The following DGKB variants were observed in gnomAD, a reference collection of about 807,000 sequenced individuals.
The protein encoded by DGKB is 90 kDa diacylglycerol kinase.
DGKB carries 67 observed loss-of-function variants against 114.3 expected under a neutral mutation model. The ratio of observed to expected loss-of-function variants is 0.59; its 90% CI spans 0.48 to 0.72. The LOEUF is 0.72. DGKB is among the 30% of genes least tolerant of loss of function. The pLI is 0.00. For missense variants in DGKB, 907 were observed against 975.2 expected, an observed-to-expected ratio of 0.93 and a Z score of 0.93; for synonymous variants, 398 against 323.1, an observed-to-expected ratio of 1.23 and a Z score of -2.49.
intron 6 of DGKB, among the ~76,000 whole-genome samples, chr7:14,704,802 ACCAAAAAC>A (rs1825895119): frequency 6.6e-6 from 1 of 152,130 alleles, no homozygotes; most frequent in Non-Finnish European, 1.5e-5. Flanking sequence ...GGACATCCAC[ACCAAAAAC>A]CCATCTGTAC....
At chr7:14,291,499 G>C (rs17168048) in intron 23 of DGKB, among the ~76,000 whole-genome samples, 1,856 of 152,154 alleles carry the variant, frequency 0.012, 38 homozygotes, top group African/African-American at 0.042. Context: ...TCTTTCCTTG[G>C]TAATCCCAAA....
chr7:14,492,318 G>A (rs977312806), intron 20 of DGKB, among the ~76,000 whole-genome samples: 27 of 151,928 alleles, frequency 1.8e-4, no homozygotes, highest in Admixed American at 2.0e-4. Flanking sequence ...AGGGAGTGAG[G>A]AGGTAGCTAT....
intron 1 of DGKB, among the ~76,000 whole-genome samples, chr7:14,958,801 C>T (rs1786671929): frequency 6.6e-6 from 1 of 152,038 alleles, no homozygotes; most frequent in Non-Finnish European, 1.5e-5. Context: ...AGGATGTTGT[C>T]CCCACATAGC....
chr7:14,579,852 G>T (rs571129472), intron 19 of DGKB, among the ~76,000 whole-genome samples: 49 of 152,174 alleles, frequency 3.2e-4, no homozygotes, highest in Non-Finnish European at 6.2e-4. Flanking sequence ...GTCTGGGGTG[G>T]GGTCAGGCCA....
chr7:14,534,585 A>C (rs1470697466), intron 20 of DGKB, among the ~76,000 whole-genome samples: 1 of 152,140 alleles, frequency 6.6e-6, no homozygotes, highest in Non-Finnish European at 1.5e-5. Flanking sequence ...TCTCTATAAG[A>C]GACTCACCTT....
chr7:14,275,740 G>A (rs140671193), intron 23 of DGKB, among the ~76,000 whole-genome samples: 1 of 152,274 alleles, frequency 6.6e-6, no homozygotes, highest in East Asian at 1.9e-4. Context: ...TAATGTCAGT[G>A]ATGTCCCACC....
chr7:14,893,163 C>A (rs1781555989), intron 1 of DGKB, among the ~76,000 whole-genome samples: 1 of 151,260 alleles, frequency 6.6e-6, no homozygotes, highest in Non-Finnish European at 1.5e-5. Context: ...GTCTCCATTT[C>A]CTGAACTCCT....
intron 23 of DGKB, among the ~76,000 whole-genome samples, chr7:14,337,428 T>C (rs1228871304): frequency 1.3e-5 from 2 of 152,150 alleles, no homozygotes; most frequent in African/African-American, 4.8e-5. Context: ...AAACCACCTG[T>C]CATTGGCAGG....
At chr7:14,860,402 T>C (rs567892440) in intron 1 of DGKB, among the ~76,000 whole-genome samples, 2 of 152,168 alleles carry the variant, frequency 1.3e-5, no homozygotes, top group South Asian at 4.1e-4. Flanking sequence ...ACGTCTTCCA[T>C]TGTTTATTTC....
chr7:14,171,043 A>C (rs1780915831), intron 25 of DGKB, among the ~76,000 whole-genome samples: 1 of 152,164 alleles, frequency 6.6e-6, no homozygotes, highest in Non-Finnish European at 1.5e-5. Context: ...AAAGGATCAT[A>C]CCTAAGACAG....
intron 12 of DGKB, among the ~76,000 whole-genome samples, chr7:14,677,955 T>C (rs1820160491): frequency 6.6e-6 from 1 of 152,098 alleles, no homozygotes; most frequent in African/African-American, 2.4e-5. Context: ...GATAGCCAAC[T>C]AGTAAATCAA....
chr7:14,895,074 G>T (rs1405523582), intron 1 of DGKB, among the ~76,000 whole-genome samples: 2 of 151,506 alleles, frequency 1.3e-5, no homozygotes, highest in Admixed American at 6.6e-5. Context: ...GAAGTTACAG[G>T]TTGTTTATGT....
intron 2 of DGKB, among the ~76,000 whole-genome samples, chr7:14,818,958 T>G (rs1844536414): frequency 6.6e-6 from 1 of 152,292 alleles, no homozygotes; most frequent in African/African-American, 2.4e-5. Flanking sequence ...TAAGAATGAA[T>G]ATGATAGCAA....
chr7:14,902,442 G>C (rs1309993739), intron 1 of DGKB, 150 bp downstream of exon 1: 2 of 152,292 alleles, frequency 1.3e-5, no homozygotes, highest in African/African-American at 2.4e-5. Context: ...ACTAGGACAG[G>C]AGTCAGGGAG....
chr7:14,461,001 C>T (rs182201107), intron 21 of DGKB, among the ~76,000 whole-genome samples: 32 of 152,118 alleles, frequency 2.1e-4, no homozygotes, highest in African/African-American at 4.8e-4. Context: ...TGAATGAGTA[C>T]GGGGTAAAAA....
At position 14,146,288 on chromosome 7, in the gene DGKB, GTC is replaced by G. The variant is rs1781469074; in HGVS notation, c.*2841_*2842del. 6.6e-6 allele frequency: 1 copy of G among 152,166 alleles called. No homozygotes were observed. The highest frequency in any genetic ancestry group is 1.5e-5 in the Non-Finnish European group (1 of 68,028). The allele number at this position is 152,166 out of a possible 1,614,324, so 9.4% of individuals were successfully genotyped here. ...TGGATATCAAGGTTTACTCTGAAAT[GTC>G]TCTCTGGAATCTCATCAACTCAGTG... is the stretch of plus-strand genomic sequence containing the variant. On this transcript the variant is annotated 3_prime_UTR_variant, in exon 26 of 26. Coordinates refer to ENST00000402815, the MANE Select transcript of DGKB (RefSeq NM_001350709.2).
chr7:14,154,347 T>C (rs1303098298), intron 25 of DGKB, among the ~76,000 whole-genome samples: 1 of 152,012 alleles, frequency 6.6e-6, no homozygotes, highest in African/African-American at 2.4e-5. Flanking sequence ...TATTTTTTAT[T>C]GATTTAAACA....
At chr7:14,327,186 T>A (rs1022425482) in intron 23 of DGKB, among the ~76,000 whole-genome samples, 2 of 152,140 alleles carry the variant, frequency 1.3e-5, no homozygotes, top group Non-Finnish European at 2.9e-5. Flanking sequence ...TCCTCAAGAA[T>A]GAAAACACCT....
At chr7:14,667,402 C>G (rs1363044559) in intron 13 of DGKB, among the ~76,000 whole-genome samples, 3 of 151,784 alleles carry the variant, frequency 2.0e-5, no homozygotes, top group Admixed American at 2.0e-4. Context: ...GAGTCAACGA[C>G]TAAGGAAAAA....
Sources: allele counts gnomAD v4.1 joint callset (sites outside exome capture counted in the v4.1 genomes callset), GRCh38; gene constraint gnomAD v4.1.1; transcripts MANE v1.5; gene names NCBI Gene and HGNC (gene_info 2026-07-23, HGNC 2026-07-21).